ABCG2: variants seen among roughly 807,000 people sequenced by gnomAD.
The protein encoded by ABCG2 is ATP binding cassette subfamily G member 2 (JR blood group), also known as broad substrate specificity ATP-binding cassette transporter ABCG2.
ABCG2 carries 80 observed loss-of-function variants against 73.5 expected under a neutral mutation model. That is an observed-to-expected ratio of 1.09 (90% CI 0.91 to 1.31). The LOEUF is 1.31. ABCG2 is among the 50% of genes most tolerant of loss of function. The pLI is 0.00. For synonymous variants in ABCG2, 269 were observed against 282.4 expected, an observed-to-expected ratio of 0.95 and a Z score of 0.48; for missense variants, 796 against 786.2, an observed-to-expected ratio of 1.01 and a Z score of -0.15.
intron 5 of ABCG2, among the ~76,000 whole-genome samples, chr4:88,129,635 A>C (rs959796252): frequency 6.6e-6 from 1 of 152,222 alleles, no homozygotes; most frequent in South Asian, 2.1e-4. Flanking sequence ...TCCAAACAAA[A>C]TACAGTAAAA....
At chr4:88,135,132 A>C (rs374687325) in intron 2 of ABCG2, among the ~76,000 whole-genome samples, 113 of 152,328 alleles carry the variant, frequency 7.4e-4, no homozygotes, top group African/African-American at 2.6e-3. Context: ...CTTTATGGAA[A>C]CAGCCTGCTG....
intron 1 of ABCG2, among the ~76,000 whole-genome samples, chr4:88,213,621 T>G (rs879616587): frequency 8.5e-5 from 13 of 152,114 alleles, no homozygotes; most frequent in Non-Finnish European, 1.5e-4. Flanking sequence ...TATATATGTG[T>G]GTGAATATAT....
chr4:88,195,590 C>G (rs890981139), intron 1 of ABCG2, among the ~76,000 whole-genome samples: 1 of 152,084 alleles, frequency 6.6e-6, no homozygotes, highest in Admixed American at 6.5e-5. Context: ...ACTTTTAGAG[C>G]AGGAGTAAAA....
intron 1 of ABCG2, among the ~76,000 whole-genome samples, chr4:88,211,358 G>GCCCCCC (rs1264405228): frequency 4.5e-4 from 15 of 33,666 alleles, no homozygotes; most frequent in Non-Finnish European, 5.6e-4. Flanking sequence ...TTCAACCCCT[G>GCCCCCC]CCCCACCCCC....
chr4:88,212,280 C>T (rs926530079), intron 1 of ABCG2, among the ~76,000 whole-genome samples: 4 of 152,174 alleles, frequency 2.6e-5, no homozygotes, highest in Non-Finnish European at 4.4e-5. Context: ...CTTTGAATTT[C>T]ATGTCATTAC....
intron 1 of ABCG2, among the ~76,000 whole-genome samples, chr4:88,190,466 G>A: frequency 6.6e-6 from 1 of 152,004 alleles, no homozygotes; most frequent in East Asian, 1.9e-4. Context: ...AAATTAGGAG[G>A]GCATCTGGTT....
At chr4:88,171,908 C>T (rs571632454) in intron 1 of ABCG2, among the ~76,000 whole-genome samples, 1 of 152,140 alleles carries the variant, frequency 6.6e-6, no homozygotes, top group South Asian at 2.1e-4. Flanking sequence ...CACTTGAGGC[C>T]AAAGGAGTTC....
intron 1 of ABCG2, among the ~76,000 whole-genome samples, chr4:88,203,850 C>A (rs745668177): frequency 6.7e-6 from 1 of 148,864 alleles, no homozygotes; most frequent in Non-Finnish European, 1.5e-5. Context: ...CTGATATTAT[C>A]GGAATAAAAT....
chr4:88,214,868 C>T (rs931670031), intron 1 of ABCG2, among the ~76,000 whole-genome samples: 9 of 151,986 alleles, frequency 5.9e-5, no homozygotes, highest in African/African-American at 2.2e-4. Context: ...AGTGATTCTC[C>T]TGCCTTGGCC....
At chr4:88,123,882 T>C (rs538187839) in intron 5 of ABCG2, among the ~76,000 whole-genome samples, 11 of 151,766 alleles carry the variant, frequency 7.2e-5, no homozygotes, top group Non-Finnish European at 1.5e-4. Context: ...AAGGTTGAAA[T>C]GAAGGAAAAA....
Position 88,165,787 on chromosome 4 carries a change from T to A in ABCG2, c.-19-25773A>T, listed in dbSNP as rs374064076. ...TACTCGGGAGGCTGAGGCAGGAGAA[T>A]CGCTTGAACCCGGGAGGCGGAGGTT... On this transcript the variant is annotated intron_variant, in intron 1 of 15. Transcript: ENST00000515655. Among the ~76,000 whole-genome samples, 274 of 151,926 alleles carry A rather than the reference T, an allele frequency of 1.8e-3. 1 individual carries two copies. Among genetic ancestry groups the A allele is most frequent in the African/African-American group, 6.1e-3 (253 of 41,418 alleles).
At chr4:88,136,061 G>A (rs1043895932) in intron 2 of ABCG2, among the ~76,000 whole-genome samples, 1 of 152,114 alleles carries the variant, frequency 6.6e-6, no homozygotes, top group East Asian at 1.9e-4. Flanking sequence ...TTAATGAGAA[G>A]CCATAGGTTT....
chr4:88,169,434 C>T (rs527615726), intron 1 of ABCG2, among the ~76,000 whole-genome samples: 4 of 152,234 alleles, frequency 2.6e-5, no homozygotes, highest in Admixed American at 1.3e-4. Context: ...AAGGCTTATT[C>T]ATTCTTATCT....
chr4:88,210,904 A>G (rs1459314700), intron 1 of ABCG2, among the ~76,000 whole-genome samples: 2 of 152,004 alleles, frequency 1.3e-5, no homozygotes, highest in African/African-American at 4.8e-5. Context: ...GCCAGAGTTG[A>G]TTTTATTTGC....
In ABCG2 at chr4:88,131,890, T is replaced by C; in HGVS notation, c.291A>G (p.Lys97=). 4.3e-6 allele frequency: 7 copies of C among 1,613,974 alleles called. No homozygotes were observed. Among genetic ancestry groups the C allele is most frequent in the Non-Finnish European group, 5.9e-6 (7 of 1,179,914 alleles). ...CATCTCCAGATAATCCACTTGGATC[T>C]TTCCTTGCAGCTAAGACATCTAATA... is the stretch of plus-strand genomic sequence containing the variant. The part of the protein sequence containing the change: ...SSLLDVLAAR[K]DPSGLSGDVL... The change falls in exon 4 of 16, where the codon AAA becomes AAG. Residue 97 remains lysine (K), a synonymous_variant. Transcript: ENST00000237612.
chr4:88,111,662 A>G (rs1354498634), intron 9 of ABCG2, among the ~76,000 whole-genome samples: 3 of 152,208 alleles, frequency 2.0e-5, no homozygotes, highest in Non-Finnish European at 4.4e-5. Flanking sequence ...ACAATGTGCC[A>G]TCTTTTAGTA....
At chr4:88,103,260 A>T (rs945817062) in intron 10 of ABCG2, among the ~76,000 whole-genome samples, 5 of 152,252 alleles carry the variant, frequency 3.3e-5, no homozygotes, top group Admixed American at 1.3e-4. Flanking sequence ...CTATCAGTAC[A>T]GTAATGTCCA....
At chr4:88,093,524 A>T (rs1721784623) in intron 15 of ABCG2, among the ~76,000 whole-genome samples, 1 of 121,088 alleles carries the variant, frequency 8.3e-6, no homozygotes, top group South Asian at 2.8e-4. Flanking sequence ...AAAAAAAAAA[A>T]GGAATATCTT....
chr4:88,123,529 A>G (rs1353283600), intron 5 of ABCG2, among the ~76,000 whole-genome samples: 1 of 152,140 alleles, frequency 6.6e-6, no homozygotes, highest in Non-Finnish European at 1.5e-5. Flanking sequence ...ACAAGTATCA[A>G]TAGCTGAATC....
Sources: allele counts gnomAD v4.1 joint callset (sites outside exome capture counted in the v4.1 genomes callset), GRCh38; gene constraint gnomAD v4.1.1; transcripts MANE v1.5; gene names NCBI Gene and HGNC (gene_info 2026-07-23, HGNC 2026-07-21).